Variants in NELL1 observed in about 807,000 individuals in gnomAD.
The protein encoded by NELL1 is protein kinase C-binding protein NELL1.
A neutral mutation model predicts 107.4 loss-of-function variants in NELL1; 76 were observed. The ratio of observed to expected loss-of-function variants is 0.71; its 90% CI spans 0.59 to 0.86. The LOEUF (loss-of-function observed/expected upper bound fraction) is 0.86. NELL1 is among the 40% of genes least tolerant of loss of function. NELL1 has a pLI of 0.00. For missense variants in NELL1, 1,024 were observed against 1,005.5 expected (o/e 1.02, Z -0.25); for synonymous variants, 353 against 341.2 (o/e 1.03, Z -0.38).
chr11:20,780,750 A>G (rs989580848), intron 2 of NELL1, among the ~76,000 whole-genome samples: 16 of 152,208 alleles, frequency 1.1e-4, no homozygotes, highest in African/African-American at 3.9e-4. Flanking sequence ...TTACAGTGAA[A>G]GCTGAAGGAG....
At chr11:21,081,505 G>C (rs1854268592) in intron 12 of NELL1, among the ~76,000 whole-genome samples, 1 of 152,026 alleles carries the variant, frequency 6.6e-6, no homozygotes, top group Non-Finnish European at 1.5e-5. Context: ...AAAATAGTGT[G>C]TCTTAAACTC....
At chr11:21,300,490 A>G (rs1321940745) in intron 14 of NELL1, among the ~76,000 whole-genome samples, 1 of 151,962 alleles carries the variant, frequency 6.6e-6, no homozygotes, top group Non-Finnish European at 1.5e-5. Flanking sequence ...ACCTTTAGAC[A>G]GATCACTTTG....
intron 2 of NELL1, chr11:20,773,696 C>A (rs1856685395): frequency 1.3e-5 from 2 of 152,036 alleles, no homozygotes; most frequent in Non-Finnish European, 2.9e-5. Context: ...TGGGGTTTTG[C>A]AATGTTGGCC....
intron 5 of NELL1, among the ~76,000 whole-genome samples, chr11:20,912,470 A>G (rs530479235): frequency 2.0e-5 from 3 of 152,164 alleles, no homozygotes; most frequent in East Asian, 1.9e-4. Context: ...TGCTGTTACA[A>G]TTTCAGAGGG....
chr11:20,959,928 T>C (rs1182260012), intron 11 of NELL1, among the ~76,000 whole-genome samples: 2 of 152,150 alleles, frequency 1.3e-5, no homozygotes, highest in African/African-American at 4.8e-5. Context: ...AACACAAATA[T>C]GAAGTAAAGC....
chr11:21,245,861 T>C (rs1240164227), intron 14 of NELL1, among the ~76,000 whole-genome samples: 1 of 152,138 alleles, frequency 6.6e-6, no homozygotes, highest in Admixed American at 6.6e-5. Context: ...AAGGGGAAGG[T>C]TTTAAGCTGT....
intron 15 of NELL1, among the ~76,000 whole-genome samples, chr11:21,431,521 C>T (rs1405486815): frequency 6.6e-6 from 1 of 152,140 alleles, no homozygotes; most frequent in Non-Finnish European, 1.5e-5. Context: ...ACTCAAAAGT[C>T]AGCTCTAATT....
chr11:21,380,219 A>G (rs1324388540), intron 15 of NELL1, among the ~76,000 whole-genome samples: 1 of 152,066 alleles, frequency 6.6e-6, no homozygotes, highest in Non-Finnish European at 1.5e-5. Flanking sequence ...GAAAGGAGTA[A>G]GCAGGGCTTC....
intron 13 of NELL1, among the ~76,000 whole-genome samples, chr11:21,174,054 A>G (rs1393701703): frequency 6.6e-6 from 1 of 151,778 alleles, no homozygotes; most frequent in Non-Finnish European, 1.5e-5. Flanking sequence ...AGGAAACTGA[A>G]GGTTTGAGAG....
At chr11:21,394,630 T>C (rs1343237071) in intron 15 of NELL1, among the ~76,000 whole-genome samples, 1 of 151,412 alleles carries the variant, frequency 6.6e-6, no homozygotes, top group African/African-American at 2.4e-5. Context: ...GAGGTGTGTA[T>C]TGTATCTGGG....
intron 3 of NELL1, among the ~76,000 whole-genome samples, chr11:20,786,948 C>T (rs1197652663): frequency 7.3e-6 from 1 of 137,850 alleles, no homozygotes; most frequent in African/African-American, 2.7e-5. Flanking sequence ...GTGGAGCTTG[C>T]CGTGAGCCGA....
chr11:21,018,222 C>A (rs189011903), intron 12 of NELL1, among the ~76,000 whole-genome samples: 81 of 152,158 alleles, frequency 5.3e-4, no homozygotes, highest in African/African-American at 1.9e-3. Flanking sequence ...GCATTTCTAG[C>A]CCGGAAACTA....
chr11:21,214,197 A>G (rs1857564161), intron 13 of NELL1, among the ~76,000 whole-genome samples: 1 of 152,142 alleles, frequency 6.6e-6, no homozygotes, highest in Admixed American at 6.6e-5. Flanking sequence ...AACATCCTAA[A>G]TCCAAAAATT....
chr11:21,357,905 G>A (rs999681841), intron 14 of NELL1, among the ~76,000 whole-genome samples: 12 of 152,076 alleles, frequency 7.9e-5, no homozygotes, highest in African/African-American at 1.7e-4. Context: ...ATAGGGTGTC[G>A]TTTCCCCAGT....
chr11:21,377,195 T>A (rs1564865501), intron 15 of NELL1, among the ~76,000 whole-genome samples: 1 of 152,072 alleles, frequency 6.6e-6, no homozygotes, highest in Non-Finnish European at 1.5e-5. Flanking sequence ...CATAGATGGC[T>A]CCTATTATTT....
chr11:21,302,971 G>C (rs1326601294), intron 14 of NELL1, among the ~76,000 whole-genome samples: 2 of 151,868 alleles, frequency 1.3e-5, no homozygotes, highest in African/African-American at 4.8e-5. Flanking sequence ...TGAAGCGGGA[G>C]GATCACTGGG....
At position 21,384,863 on chromosome 11, in the gene NELL1, T is replaced by C. The variant is rs571352092; in HGVS notation, c.1645+13915T>C. On this transcript the variant is annotated intron_variant, in intron 15 of 19. Transcript: ENST00000357134. ...GTCTATCATTGTTGGACATTTGGGT[T>C]GGTTCCAATGTCTTCTTCATTTTCA... Among the ~76,000 whole-genome samples, 18 of 152,172 alleles carry C rather than the reference T, an allele frequency of 1.2e-4. No individual in the cohort carries two copies. In the East Asian group the frequency reaches 3.5e-3, roughly 30 times the overall value.
chr11:20,698,219 T>A (rs1854674910), intron 2 of NELL1, among the ~76,000 whole-genome samples: 1 of 152,070 alleles, frequency 6.6e-6, no homozygotes, highest in Non-Finnish European at 1.5e-5. Context: ...AGTGGAGTGG[T>A]TTTTCAAATC....
intron 4 of NELL1, among the ~76,000 whole-genome samples, chr11:20,864,111 AGG>A (rs1849049850): frequency 6.8e-6 from 1 of 148,142 alleles, no homozygotes; most frequent in African/African-American, 2.5e-5. Flanking sequence ...AGAGAGGGAG[AGG>A]GAGACTGTGG....
Sources: gnomAD v4.1 joint callset for allele counts (sites outside exome capture counted in the v4.1 genomes callset) on GRCh38, gnomAD v4.1.1 for gene constraint, MANE v1.5 for transcripts, NCBI Gene and HGNC (gene_info 2026-07-23, HGNC 2026-07-21) for gene names.